TRAPPC2L: variants seen among roughly 807,000 people sequenced by gnomAD.
TRAPPC2L encodes trafficking protein particle complex subunit 2L.
Under a neutral mutation model 13.2 loss-of-function variants are expected in TRAPPC2L, and 17 were observed. That is an observed-to-expected ratio of 1.29 (90% CI 0.88 to 1.93). The LOEUF (loss-of-function observed/expected upper bound fraction) is 1.93. TRAPPC2L is among the 30% of genes most tolerant of loss of function. TRAPPC2L has a pLI of 0.00. For missense variants in TRAPPC2L, 359 were observed against 252.1 expected (o/e 1.42, Z -2.87); for synonymous variants, 150 against 98.1 (o/e 1.53, Z -3.12).
chr16:88,858,193 T>C (rs2143015018), intron 1 of TRAPPC2L, among the ~76,000 whole-genome samples: 1 of 152,234 alleles, frequency 6.6e-6, no homozygotes, highest in East Asian at 1.9e-4. Flanking sequence ...AGCTGAGTCT[T>C]GAAGGGTTTA....
At chr16:88,856,827 G>A, upstream of TRAPPC2L, 1 of 1,527,988 alleles carries the variant, frequency 6.5e-7, no homozygotes, top group Non-Finnish European at 8.7e-7. Flanking sequence ...CCGCGGCGCT[G>A]AGCACCAGCA....
chr16:88,857,109 G>A (rs754731156), upstream of TRAPPC2L: 3 of 1,526,538 alleles, frequency 2.0e-6, no homozygotes, highest in South Asian at 2.4e-5. Context: ...CGTGACCAGC[G>A]GCGGGTCACG....
chr16:88,856,988 G>C, upstream of TRAPPC2L: 2 of 1,391,554 alleles, frequency 1.4e-6, no homozygotes, highest in South Asian at 3.2e-5. Context: ...TGACTCGCGG[G>C]GCGGGGCCAG....
At chr16:88,861,173 C>T (rs1229974315) in exon 4 of TRAPPC2L, 6 of 587,076 alleles carry the variant, frequency 1.0e-5, no homozygotes, top group Admixed American at 5.7e-5. Flanking sequence ...CAACTAAGGA[C>T]TTTTCTGGGG....
At chr16:88,862,678 AGCCACTGATTTT>A (rs1968467498), downstream of TRAPPC2L, 2 of 151,972 alleles carry the variant, frequency 1.3e-5, no homozygotes, top group African/African-American at 4.8e-5. Context: ...CTCTGGTTTA[AGCCACTGATTTT>A]TGGGTTTTCT....
exon 4 of TRAPPC2L, chr16:88,860,415 T>C (rs2143016876): frequency 1.6e-6 from 1 of 607,434 alleles, no homozygotes; most frequent in East Asian, 2.7e-5. Context: ...CTTTTGAACA[T>C]CATGAGGGAA....
At chr16:88,856,377 C>T, upstream of TRAPPC2L, 1 of 701,626 alleles carries the variant, frequency 1.4e-6, no homozygotes, top group Non-Finnish European at 2.6e-6. Context: ...GCTGCGCGCC[C>T]ACCTTTCCCA....
exon 4 of TRAPPC2L, chr16:88,861,072 C>T: frequency 9.6e-7 from 1 of 1,041,894 alleles, no homozygotes. Flanking sequence ...TCAGGGCAGG[C>T]AGCTGTGCAT....
At chr16:88,861,963 A>G in exon 4 of TRAPPC2L, 1 of 250,822 alleles carries the variant, frequency 4.0e-6, no homozygotes, top group South Asian at 3.6e-5. Flanking sequence ...GGAGTGTGGG[A>G]AAACTGCATG....
intron 2 of TRAPPC2L, 45 bp from the exon 3 acceptor site, chr16:88,859,618 C>A (rs3826063): frequency 8.3e-6 from 13 of 1,572,082 alleles, no homozygotes; most frequent in Non-Finnish European, 1.1e-5. Flanking sequence ...GGCCCTCCAC[C>A]GGCAGTCCCT....
rs546971049 is a variant in TRAPPC2L at position 88,859,513 on chromosome 16, C to T, written c.207-150C>T. The T allele has an allele frequency of 1.6e-4, 126 of 807,554 alleles. No homozygotes were observed. The Middle Eastern group carries it at 1.8e-3, about 11-fold the overall frequency. 50.0% of individuals were successfully genotyped at this position (807,554 alleles called of 1,614,324 possible). On this transcript the variant is annotated intron_variant, in intron 2 of 3. Transcript: ENST00000565504. ...ACGTCGCCCTAGCAAAGTATTTAGG[C>T]TTGTACCCAGCACGGCCACTGCAGG...
chr16:88,858,836 C>T (rs201099935), intron 2 of TRAPPC2L, 45 bp downstream of exon 2: 3 of 1,571,636 alleles, frequency 1.9e-6, no homozygotes, highest in East Asian at 4.5e-5. Flanking sequence ...CCTACAGTTG[C>T]AAGATGTACT....
chr16:88,858,454 C>A (rs760418920), intron 1 of TRAPPC2L, among the ~76,000 whole-genome samples, 165 bp from the exon 2 acceptor site: 8 of 152,140 alleles, frequency 5.3e-5, no homozygotes, highest in Non-Finnish European at 8.8e-5. Context: ...GCTGGGATCC[C>A]CTGAAGGCAG....
upstream of TRAPPC2L, chr16:88,856,627 C>A (rs1326527031): frequency 5.4e-6 from 3 of 552,318 alleles, no homozygotes; most frequent in African/African-American, 4.1e-5. Context: ...GGCCTCCCCC[C>A]TTCCCCAAGG....
chr16:88,861,120 C>T (rs1352779201), exon 4 of TRAPPC2L: 24 of 675,040 alleles, frequency 3.6e-5, no homozygotes, highest in Non-Finnish European at 5.1e-5. Flanking sequence ...GGAGATTTGG[C>T]TTTTTCCTTC....
chr16:88,860,737 G>GTTCTC, exon 4 of TRAPPC2L: 1 of 688,230 alleles, frequency 1.5e-6, no homozygotes, highest in Non-Finnish European at 2.5e-6. Flanking sequence ...CAGCAGATGG[G>GTTCTC]TTCTCAGTGC....
At chr16:88,856,248 T>C, upstream of TRAPPC2L, 1 of 702,934 alleles carries the variant, frequency 1.4e-6, no homozygotes, top group Non-Finnish European at 2.6e-6. Context: ...AGCCGTCAGG[T>C]AAGACTGGAG....
intron 1 of TRAPPC2L, 34 bp downstream of exon 1, chr16:88,857,217 C>A: frequency 2.0e-6 from 3 of 1,510,946 alleles, no homozygotes; most frequent in Non-Finnish European, 1.8e-6. Flanking sequence ...TCCGGGCTCG[C>A]ACCATCCTCG....
At chr16:88,859,693 G>A in exon 3 of TRAPPC2L, 1 of 1,614,038 alleles carries the variant, frequency 6.2e-7, no homozygotes, top group Non-Finnish European at 8.5e-7. Flanking sequence ...CCAAGGTGAA[G>A]TTTGTCATGG....
Sources: gnomAD v4.1 joint callset for allele counts (sites outside exome capture counted in the v4.1 genomes callset) on GRCh38, gnomAD v4.1.1 for gene constraint, MANE v1.5 for transcripts, NCBI Gene and HGNC (gene_info 2026-07-23, HGNC 2026-07-21) for gene names.